The following CSPP1 variants were observed in gnomAD, a reference collection of about 807,000 sequenced individuals.
CSPP1 encodes centrosome and spindle pole associated protein 1, also known as centrosome and spindle pole-associated protein 1.
In CSPP1, 126 loss-of-function variants were observed where a neutral mutation model predicts 164.4. That is an observed-to-expected ratio of 0.77 (90% CI 0.66 to 0.89). The LOEUF (loss-of-function observed/expected upper bound fraction) is 0.89. Among genes scored for constraint, CSPP1 ranks in the 40% least tolerant of loss-of-function variants. The pLI is 0.00. For synonymous variants in CSPP1, 472 were observed against 476.7 expected, an observed-to-expected ratio of 0.99 and a Z score of 0.13; for missense variants, 1,395 against 1,449.8, an observed-to-expected ratio of 0.96 and a Z score of 0.61.
At chr8:67,177,610 T>G (rs957935218) in intron 26 of CSPP1, 70 bp from the exon 27 acceptor site, 210 of 955,424 alleles carry the variant, frequency 2.2e-4, no homozygotes, top group Non-Finnish European at 3.3e-4. Context: ...AAAAAGATAT[T>G]CTAAAATTTA....
At chr8:67,113,905 A>G in intron 11 of CSPP1, 43 bp downstream of exon 11, 2 of 1,221,444 alleles carry the variant, frequency 1.6e-6, no homozygotes, top group Non-Finnish European at 2.4e-6. Context: ...CTTTCATCAA[A>G]TGATCCTCAA....
chr8:67,096,693 C>T (rs928235198), intron 7 of CSPP1, among the ~76,000 whole-genome samples: 5 of 150,664 alleles, frequency 3.3e-5, no homozygotes, highest in African/African-American at 9.8e-5. Flanking sequence ...GGTGAAACCC[C>T]ATCTCTACTA....
intron 15 of CSPP1, among the ~76,000 whole-genome samples, chr8:67,126,200 T>C (rs1477155805): frequency 6.6e-6 from 1 of 152,254 alleles, no homozygotes; most frequent in Non-Finnish European, 1.5e-5. Flanking sequence ...TAAAAATCTT[T>C]GTTGATTAAA....
chr8:67,080,035 A>G (rs912365979), intron 3 of CSPP1, among the ~76,000 whole-genome samples: 7 of 152,218 alleles, frequency 4.6e-5, no homozygotes, highest in Non-Finnish European at 1.0e-4. Context: ...ATAATTGACT[A>G]ATTTTATACT....
At chr8:67,164,335 T>C in intron 23 of CSPP1, 56 bp from the exon 24 acceptor site, 1 of 820,290 alleles carries the variant, frequency 1.2e-6, no homozygotes. Flanking sequence ...GTTTTAATGT[T>C]TAGTCTTTTG....
intron 13 of CSPP1, among the ~76,000 whole-genome samples, chr8:67,116,587 C>T (rs1235437901): frequency 6.6e-6 from 1 of 151,994 alleles, no homozygotes; most frequent in Non-Finnish European, 1.5e-5. Flanking sequence ...GGCTGTGTAA[C>T]TCAAATACCT....
At chr8:67,138,345 A>G (rs1822784721) in intron 17 of CSPP1, among the ~76,000 whole-genome samples, 1 of 152,192 alleles carries the variant, frequency 6.6e-6, no homozygotes, top group Non-Finnish European at 1.5e-5. Flanking sequence ...GTATACTTTA[A>G]GTCATCTCTA....
chr8:67,080,659 T>G (rs1808952575), intron 3 of CSPP1, among the ~76,000 whole-genome samples: 1 of 152,220 alleles, frequency 6.6e-6, no homozygotes, highest in Non-Finnish European at 1.5e-5. Flanking sequence ...TCCCCTCAAG[T>G]TCAATAATTC....
chr8:67,126,510 A>C (rs1445860659), intron 15 of CSPP1, among the ~76,000 whole-genome samples: 1 of 152,086 alleles, frequency 6.6e-6, no homozygotes, highest in Admixed American at 6.5e-5. Flanking sequence ...AAAAGCTTTG[A>C]CCCAATAAAC....
At position 67,172,437 on chromosome 8, in the gene CSPP1, G is replaced by A. The variant is rs907622627; in HGVS notation, c.2850G>A (p.Met950Ile). Residue 950 changes from methionine to isoleucine, a missense_variant, in exon 25 of 31, where the codon ATG becomes ATA. Coordinates refer to ENST00000678616, the MANE Select transcript of CSPP1 (RefSeq NM_001382391.1). The part of the protein sequence containing the change: ...IPIRKKERNP[M>I]DIFDMARHRL... ...ATAGGAAAAAGGAAAGGAATCCCAT[G>A]GATATATTTGATATGGCTAGACATC... 1 of 1,612,920 alleles carries A rather than the reference G, an allele frequency of 6.2e-7. No individual in the cohort carries two copies. Among genetic ancestry groups the A allele is most frequent in the South Asian group, 1.1e-5 (1 of 91,004 alleles).
rs1211850762 is a variant in CSPP1 at position 67,095,447 on chromosome 8, A to G, written c.638A>G (p.Glu213Gly). 5.0e-6 allele frequency: 8 copies of G among 1,613,532 alleles called. No homozygotes were observed. The highest frequency in any genetic ancestry group is 3.4e-6 in the Non-Finnish European group (4 of 1,179,924). Residue 213 changes from glutamate (E) to glycine (G), a missense_variant, in exon 7 of 31, where the codon GAG (glutamate) becomes GGG (glycine). By Grantham distance (98) the Glu-to-Gly change is moderately conservative. Coordinates refer to ENST00000678616, the MANE Select transcript of CSPP1 (RefSeq NM_001382391.1). ...GAACTTCTGAACCAAAGACGACTAG[A>G]GGAGGACAGATACCGACAACTAGAT... ...YEELLNQRRL[E>G]EDRYRQLDDE...
At position 67,118,729 on chromosome 8, in the gene CSPP1, GTTT is replaced by G; in HGVS notation, c.1619-10_1619-8del. 6.4e-7 allele frequency: 1 copy of G among 1,565,532 alleles called. No homozygotes were observed. Among genetic ancestry groups the G allele is most frequent in the Non-Finnish European group, 8.7e-7 (1 of 1,154,410 alleles). On this transcript the variant is annotated splice_polypyrimidine_tract_variant and intron_variant, in intron 14 of 30. Transcript: ENST00000678616. ...CTAAATAAACTTTTTTTGTTTTTTT[GTTT>G]TTTCTTTAAGATGGTTCAGGAATGA... is the stretch of plus-strand genomic sequence containing the variant.
chr8:67,139,206 C>T (rs187004579), intron 17 of CSPP1, among the ~76,000 whole-genome samples: 13 of 152,148 alleles, frequency 8.5e-5, no homozygotes, highest in Non-Finnish European at 1.9e-4. Flanking sequence ...ACTTCTCAAA[C>T]GAAGACATTT....
chr8:67,090,883 G>A (rs868292650), intron 4 of CSPP1, among the ~76,000 whole-genome samples: 2 of 152,198 alleles, frequency 1.3e-5, no homozygotes, highest in East Asian at 1.9e-4. Flanking sequence ...ATAACCTAGT[G>A]ATGTGTAGAT....
chr8:67,195,899 A>AT lies in CSPP1; in HGVS notation c.*307dup, dbSNP rs1837846214. On this transcript the variant is annotated 3_prime_UTR_variant, in exon 31 of 31. Coordinates refer to ENST00000678616, the MANE Select transcript of CSPP1 (RefSeq NM_001382391.1). Reference sequence around the variant, plus strand: ...TCTGCTTGTCATTAAGATAAGGTGAATAAGTGTCTTAAACGTCCTGTAAAA... The same window carrying AT: ...TCTGCTTGTCATTAAGATAAGGTGAATTAAGTGTCTTAAACGTCCTGTAAAA... 2.7e-5 allele frequency: 7 copies of AT among 259,500 alleles called. No individual in the cohort carries two copies. In the South Asian group the frequency reaches 4.1e-4, roughly 15 times the overall value. The allele number at this position is 259,500 out of a possible 1,614,324, so 16.1% of individuals were successfully genotyped here.
intron 24 of CSPP1, among the ~76,000 whole-genome samples, chr8:67,166,942 C>T (rs1160715002): frequency 1.3e-5 from 2 of 152,078 alleles, no homozygotes; most frequent in East Asian, 3.9e-4. Context: ...CAGCATGCTG[C>T]CTTCAAGCAT....
intron 6 of CSPP1, among the ~76,000 whole-genome samples, chr8:67,094,963 C>T (rs138294812): frequency 3.9e-5 from 6 of 152,200 alleles, no homozygotes; most frequent in Non-Finnish European, 7.4e-5. Context: ...TTCTTTCACT[C>T]GGTATGATTA....
At chr8:67,148,985 T>C (rs926274432) in intron 17 of CSPP1, among the ~76,000 whole-genome samples, 1 of 152,134 alleles carries the variant, frequency 6.6e-6, no homozygotes, top group African/African-American at 2.4e-5. Context: ...AGTGGTTTAG[T>C]TGGGTGGTTC....
At chr8:67,115,769 G>C in intron 12 of CSPP1, 145 bp from the exon 13 acceptor site, 1 of 556,912 alleles carries the variant, frequency 1.8e-6, no homozygotes, top group Non-Finnish European at 3.2e-6. Context: ...AATAAAAATA[G>C]ATATTCAGAG....
Sources: gnomAD v4.1 joint callset for allele counts (sites outside exome capture counted in the v4.1 genomes callset) on GRCh38, gnomAD v4.1.1 for gene constraint, MANE v1.5 for transcripts, NCBI Gene and HGNC (gene_info 2026-07-23, HGNC 2026-07-21) for gene names.